The following DNAJA1 variants were observed in gnomAD, a reference collection of about 807,000 sequenced individuals.
DNAJA1 encodes DnaJ heat shock protein family (Hsp40) member A1.
Under a neutral mutation model 47.6 loss-of-function variants are expected in DNAJA1, and 26 were observed. The observed-to-expected ratio is 0.55, with a 90% CI of 0.40 to 0.76. The LOEUF (loss-of-function observed/expected upper bound fraction) is 0.76. Ranked by LOEUF, DNAJA1 falls within the 30% of genes least tolerant of loss-of-function variation. DNAJA1 has a pLI of 0.00. For missense variants in DNAJA1, 315 were observed against 485.0 expected, an observed-to-expected ratio of 0.65 and a Z score of 3.29; for synonymous variants, 165 against 158.4, an observed-to-expected ratio of 1.04 and a Z score of -0.31.
chr9:33,033,100 C>T (rs1401045116), intron 5 of DNAJA1, among the ~76,000 whole-genome samples: 2 of 150,910 alleles, frequency 1.3e-5, no homozygotes, highest in Non-Finnish European at 2.9e-5. Context: ...TTCTAAGAGA[C>T]GTTGCCCAAA....
chr9:33,028,748 A>G (rs576506026), intron 3 of DNAJA1, among the ~76,000 whole-genome samples: 7 of 152,190 alleles, frequency 4.6e-5, no homozygotes, highest in Non-Finnish European at 5.9e-5. Context: ...GCGCTTCATC[A>G]AGCTCTAGAA....
Position 33,038,796 on chromosome 9 carries a change from C to T in DNAJA1, c.1087C>T (p.Leu363=), listed in dbSNP as rs775074991. ...GACTGATGAGATGGACCAAGTAGAA[C>T]TGGTGGACTTTGATCCAAATCAGGA... The part of the protein sequence containing the change: ...EETDEMDQVE[L]VDFDPNQERR... The change falls in exon 9 of 9, where the codon CTG becomes TTG. Residue 363 remains leucine (L), a synonymous_variant. Transcript: ENST00000330899. The T allele has an allele frequency of 2.5e-6, 4 of 1,613,972 alleles. No homozygotes were observed. The highest frequency in any genetic ancestry group is 3.4e-6 in the Non-Finnish European group (4 of 1,180,030).
chr9:33,036,265 G>GTTTT, intron 6 of DNAJA1: 2 of 158,984 alleles, frequency 1.3e-5, no homozygotes, highest in Non-Finnish European at 1.3e-5. Context: ...CTTGTGAGTT[G>GTTTT]TTTTTTTTTT....
At chr9:33,032,507 T>G (rs1243869074) in intron 5 of DNAJA1, among the ~76,000 whole-genome samples, 2 of 152,122 alleles carry the variant, frequency 1.3e-5, no homozygotes, top group Non-Finnish European at 2.9e-5. Flanking sequence ...GGGAAAAAAA[T>G]TGGTCTTGTT....
chr9:33,029,147 GACAAAA>G (rs1344350910), intron 3 of DNAJA1, among the ~76,000 whole-genome samples: 4 of 152,178 alleles, frequency 2.6e-5, no homozygotes, highest in African/African-American at 4.8e-5. Context: ...ATTAATTTAA[GACAAAA>G]ACAAAAATAC....
Position 33,036,696 on chromosome 9 carries a change from G to T in DNAJA1, c.874+7G>T. 1 of 1,596,160 alleles carries T rather than the reference G, an allele frequency of 6.3e-7. No homozygotes were observed. Among genetic ancestry groups the T allele is most frequent in the South Asian group, 1.1e-5 (1 of 89,854 alleles). Reference sequence around the variant, plus strand: ...GTCATCACCTCTCATCCAGGTATGGGAACTAGGCAAGCTTAAACTTCTCTT... The same window carrying T: ...GTCATCACCTCTCATCCAGGTATGGTAACTAGGCAAGCTTAAACTTCTCTT... On this transcript the variant is annotated splice_region_variant and intron_variant, in intron 7 of 8. Transcript: ENST00000330899.
chr9:33,028,462 A>G (rs539166776), intron 3 of DNAJA1, among the ~76,000 whole-genome samples: 2 of 152,348 alleles, frequency 1.3e-5, no homozygotes, highest in African/African-American at 4.8e-5. Flanking sequence ...ATTAAATTTC[A>G]CTTTGAGCTT....
Position 33,038,747 on chromosome 9 carries a change from A to T in DNAJA1, c.1038A>T (p.Leu346=), listed in dbSNP as rs890716045. Residue 346 remains leucine (L), a synonymous_variant, in exon 9 of 9, where the codon CTA becomes CTT. Transcript: ENST00000330899. ...PDKLSLLEKL[L]PERKEVEETD... Reference sequence around the variant, plus strand: ...AACTGTCTTTGCTGGAAAAACTCCTACCCGAGAGGAAGGAAGTGGAAGAGA... The same window carrying T: ...AACTGTCTTTGCTGGAAAAACTCCTTCCCGAGAGGAAGGAAGTGGAAGAGA... The T allele has an allele frequency of 6.2e-7, 1 of 1,614,142 alleles. No individual in the cohort carries two copies. Among genetic ancestry groups the T allele is most frequent in the Non-Finnish European group, 8.5e-7 (1 of 1,180,010 alleles).
rs780684681 is a variant in DNAJA1, at chr9:33,036,661, C to G, written c.846C>G (p.Asn282Lys). The change falls in exon 7 of 9, where the codon AAC (asparagine) becomes AAG (lysine). Residue 282 changes from asparagine (N) to lysine (K), a missense_variant. Asn to Lys is a moderately conservative substitution (Grantham distance 94). Around this residue, in one of 4 missense-constraint regions of DNAJA1, gnomAD observed 162 missense variants for 185.4 expected, o/e 0.87. Coordinates refer to ENST00000330899, the MANE Select transcript of DNAJA1 (RefSeq NM_001539.4). The stretch of plus-strand genomic sequence containing the variant: ...AGAAGCCAATATCTACTCTTGACAA[C>G]CGAACCATCGTCATCACCTCTCATC... ...GFQKPISTLD[N>K]RTIVITSHPG... 1 of 1,613,746 alleles carries G rather than the reference C, an allele frequency of 6.2e-7. No homozygotes were observed. Among genetic ancestry groups the G allele is most frequent in the Admixed American group, 1.7e-5 (1 of 59,978 alleles).
intron 5 of DNAJA1, 139 bp downstream of exon 5, chr9:33,030,806 AAAT>A: frequency 2.6e-6 from 2 of 766,166 alleles, no homozygotes; most frequent in Non-Finnish European, 4.1e-6. Context: ...GCAGCTTAGT[AAAT>A]AATGTTCTTT....
At chr9:33,035,799 A>G (rs541300313) in intron 6 of DNAJA1, among the ~76,000 whole-genome samples, 1 of 152,130 alleles carries the variant, frequency 6.6e-6, no homozygotes, top group Non-Finnish European at 1.5e-5. Context: ...GGGTTGGAAA[A>G]GGAAAGTCTA....
chr9:33,027,823 C>T (rs1477249483), intron 3 of DNAJA1, among the ~76,000 whole-genome samples: 1 of 151,900 alleles, frequency 6.6e-6, no homozygotes, highest in Non-Finnish European at 1.5e-5. Flanking sequence ...GCACTCCAGC[C>T]TGGGCAACAA....
chr9:33,034,407 T>A (rs1301695436), intron 6 of DNAJA1, 77 bp downstream of exon 6: 2 of 1,070,780 alleles, frequency 1.9e-6, no homozygotes, highest in Non-Finnish European at 2.7e-6. Context: ...TTTTTGTTTT[T>A]TTTAAAGTGT....
At chr9:33,027,550 T>C (rs1838892527) in intron 3 of DNAJA1, among the ~76,000 whole-genome samples, 1 of 152,084 alleles carries the variant, frequency 6.6e-6, no homozygotes, top group South Asian at 2.1e-4. Context: ...ATCTTAGATA[T>C]TATCAAACAA....
Position 33,039,561 on chromosome 9 carries a change from A to ATATATATATATATATATATATATAAT in DNAJA1, c.*658_*659insTATATATATATATATATATATATAAT. 1 of 142,166 alleles carries ATATATATATATATATATATATATAAT rather than the reference A, an allele frequency of 7.0e-6. No individual in the cohort carries two copies. The highest frequency in any genetic ancestry group is 2.5e-5 in the African/African-American group (1 of 39,954). 8.8% of individuals were successfully genotyped at this position (142,166 alleles called of 1,614,324 possible). ...CATATATATATACATATATATATAT[A>ATATATATATATATATATATATATAAT]ATCTTGACCAGTCCTGGTCATTTGC... On this transcript the variant is annotated 3_prime_UTR_variant, in exon 9 of 9. Coordinates refer to ENST00000330899, the MANE Select transcript of DNAJA1 (RefSeq NM_001539.4).
Position 33,025,311 on chromosome 9 carries a change from C to G in DNAJA1, c.-83C>G, listed in dbSNP as rs1406610217. 2 of 152,510 alleles carry G rather than the reference C, an allele frequency of 1.3e-5. No individual in the cohort carries two copies. The highest frequency in any genetic ancestry group is 2.9e-5 in the Non-Finnish European group (2 of 68,066). The allele number at this position is 152,510 out of a possible 1,614,324, so 9.4% of individuals were successfully genotyped here. On this transcript the variant is annotated 5_prime_UTR_variant, in exon 1 of 9. Coordinates refer to ENST00000330899, the MANE Select transcript of DNAJA1 (RefSeq NM_001539.4). The stretch of plus-strand genomic sequence containing the variant: ...GAACGCTCGGTGAGAGGCGGAGGAG[C>G]GGTAACTACCCCGGCTGCGCACAGC...
In DNAJA1 at chr9:33,039,062, A is replaced by G. The variant is rs1587701997; in HGVS notation, c.*159A>G. ...AATGAAGAATAAACGCAAATATAAAAGCTCTGATTTTGCCCTGTATGTATG... is the reference window on the plus strand; with the variant it reads ...AATGAAGAATAAACGCAAATATAAAGGCTCTGATTTTGCCCTGTATGTATG... On this transcript the variant is annotated 3_prime_UTR_variant, in exon 9 of 9. Coordinates refer to ENST00000330899, the MANE Select transcript of DNAJA1 (RefSeq NM_001539.4). 1 of 731,122 alleles carries G rather than the reference A, an allele frequency of 1.4e-6. No individual in the cohort carries two copies. Among genetic ancestry groups the G allele is most frequent in the East Asian group, 2.7e-5 (1 of 36,528 alleles). The allele number at this position is 731,122 out of a possible 1,614,324, so 45.3% of individuals were successfully genotyped here. A position where few individuals can be genotyped will look rare whatever the true frequency, so the allele number is the denominator to read the frequency against.
chr9:33,034,235 G>A lies in DNAJA1; in HGVS notation c.663G>A (p.Lys221=), dbSNP rs1839002375. Reference sequence around the variant, plus strand: ...TTTTAGGCATGAAAGATGGCCAGAAGATAACATTCCATGGTGAAGGAGACC... The same window carrying A: ...TTTTAGGCATGAAAGATGGCCAGAAAATAACATTCCATGGTGAAGGAGACC... ...HIDKGMKDGQ[K]ITFHGEGDQE... Residue 221 remains lysine (K), a synonymous_variant, in exon 6 of 9, where the codon AAG becomes AAA. Coordinates refer to ENST00000330899, the MANE Select transcript of DNAJA1 (RefSeq NM_001539.4). 1.3e-6 allele frequency: 2 copies of A among 1,595,740 alleles called. No homozygotes were observed. The highest frequency in any genetic ancestry group is 1.9e-5 in the Admixed American group (1 of 53,606).
At chr9:33,028,191 T>A (rs1044463051) in intron 3 of DNAJA1, among the ~76,000 whole-genome samples, 5 of 152,184 alleles carry the variant, frequency 3.3e-5, no homozygotes, top group African/African-American at 4.8e-5. Context: ...AACCTAAAAC[T>A]TCTTCAAGCT....
Sources: allele counts gnomAD v4.1 joint callset (sites outside exome capture counted in the v4.1 genomes callset), GRCh38; gene constraint gnomAD v4.1.1; regional missense constraint gnomAD v4.1.1; transcripts MANE v1.5; gene names NCBI Gene and HGNC (gene_info 2026-07-23, HGNC 2026-07-21).